CDC42BPA: variants seen among roughly 807,000 people sequenced by gnomAD.
The protein encoded by CDC42BPA is CDC42 binding protein kinase alpha.
In CDC42BPA, 80 loss-of-function variants were observed where a neutral mutation model predicts 223.5. The observed-to-expected ratio is 0.36, with a 90% CI of 0.30 to 0.43. The LOEUF is 0.43. Among genes scored for constraint, CDC42BPA ranks in the 20% least tolerant of loss-of-function variants. The pLI, the probability that CDC42BPA is intolerant of heterozygous loss-of-function variation, is 1.00. For missense variants in CDC42BPA, 1,743 were observed against 2,099.9 expected (o/e 0.83, Z 3.32); for synonymous variants, 694 against 718.6 (o/e 0.97, Z 0.55).
At chr1:227,273,403 TAAAAA>T (rs777554884) in intron 1 of CDC42BPA, among the ~76,000 whole-genome samples, 1 of 147,138 alleles carries the variant, frequency 6.8e-6, no homozygotes, top group Non-Finnish European at 1.5e-5. Flanking sequence ...CCATCTCTAC[TAAAAA>T]AATACAAAAT....
intron 4 of CDC42BPA, among the ~76,000 whole-genome samples, chr1:227,197,089 T>C (rs1435654646): frequency 1.3e-5 from 2 of 152,198 alleles, no homozygotes; most frequent in Non-Finnish European, 2.9e-5. Context: ...TAAACTATTG[T>C]AGTAAGTAGG....
At chr1:227,144,887 A>G (rs565689881) in intron 8 of CDC42BPA, among the ~76,000 whole-genome samples, 34 of 152,278 alleles carry the variant, frequency 2.2e-4, no homozygotes, top group Admixed American at 5.9e-4. Flanking sequence ...TATTGTTAGC[A>G]GCAACACACT....
intron 16 of CDC42BPA, among the ~76,000 whole-genome samples, chr1:227,085,560 T>G (rs1681686520): frequency 6.6e-6 from 1 of 152,230 alleles, no homozygotes; most frequent in Non-Finnish European, 1.5e-5. Flanking sequence ...TAGGCAATTT[T>G]GGCACAAATC....
intron 21 of CDC42BPA, among the ~76,000 whole-genome samples, chr1:227,063,044 C>T (rs766779496): frequency 7.9e-5 from 12 of 152,124 alleles, no homozygotes; most frequent in Non-Finnish European, 1.8e-4. Flanking sequence ...ACTATCACCA[C>T]AGCAATGATT....
At chr1:227,150,429 G>A (rs190157755) in intron 6 of CDC42BPA, among the ~76,000 whole-genome samples, 1 of 152,192 alleles carries the variant, frequency 6.6e-6, no homozygotes, top group Non-Finnish European at 1.5e-5. Flanking sequence ...AGAAGAAAAT[G>A]AAGTTGTACC....
At chr1:227,073,823 C>A in intron 19 of CDC42BPA, 41 bp downstream of exon 19, 1 of 1,426,668 alleles carries the variant, frequency 7.0e-7, no homozygotes, top group South Asian at 1.4e-5. Context: ...TTATGACAAA[C>A]TTAGAAATTA....
chr1:227,165,141 C>T (rs1003824675), intron 5 of CDC42BPA, among the ~76,000 whole-genome samples: 1 of 152,072 alleles, frequency 6.6e-6, no homozygotes, highest in African/African-American at 2.4e-5. Context: ...CTCATCACCC[C>T]AAAAATATTT....
rs1211738322 is a variant in CDC42BPA, at chr1:227,069,825, A to T, written c.2856T>A (p.Ser952=). Residue 952 remains serine, a synonymous_variant, in exon 21 of 37, where the codon TCT becomes TCA. Coordinates refer to ENST00000366766, the MANE Select transcript of CDC42BPA (RefSeq NM_001394014.1). ...TAGGCGTATTCAAAAATGCCAAGAA[A>T]GAATGCTGTGAGTCTTGGTGCTCTA... ...KGIEHQDSQH[S]FLAFLNTPTD... is the part of the protein sequence containing the mutation. The T allele has an allele frequency of 6.2e-7, 1 of 1,611,962 alleles. No homozygotes were observed. Among genetic ancestry groups the T allele is most frequent in the Non-Finnish European group, 8.5e-7 (1 of 1,178,424 alleles).
At chr1:227,273,397 C>A (rs1464743751) in intron 1 of CDC42BPA, among the ~76,000 whole-genome samples, 1 of 151,232 alleles carries the variant, frequency 6.6e-6, no homozygotes, top group Admixed American at 6.6e-5. Context: ...GAAACCCCAT[C>A]TCTACTAAAA....
chr1:227,230,820 C>CTTTTTTTTTTTTT (rs1198828997), intron 2 of CDC42BPA, among the ~76,000 whole-genome samples: 1 of 91,604 alleles, frequency 1.1e-5, no homozygotes, highest in Non-Finnish European at 2.1e-5. Flanking sequence ...TTCTTTCTTT[C>CTTTTTTTTTTTTT]TTTTTTTTTT....
At position 227,196,338 on chromosome 1, in the gene CDC42BPA, C is replaced by CTTTTTTTTTTT. The variant is rs34352900; in HGVS notation, c.451-2415_451-2405dup. ...GCTTTCTTTTTACTATTAAACAATA[C>CTTTTTTTTTTT]TTTTTTTTTTTTTTTTTTTGAGACA... On this transcript the variant is annotated intron_variant, in intron 4 of 36. Coordinates refer to ENST00000366766, the MANE Select transcript of CDC42BPA (RefSeq NM_001394014.1). 2.4e-4 allele frequency among the ~76,000 whole-genome samples: 22 copies of CTTTTTTTTTTT among 92,358 alleles called. 3 individuals are homozygous for CTTTTTTTTTTT. The highest frequency in any genetic ancestry group is 7.5e-4 in the African/African-American group (16 of 21,204). The allele number at this position is 92,358 out of a possible 152,430, so 60.6% of individuals were successfully genotyped here.
intron 2 of CDC42BPA, among the ~76,000 whole-genome samples, chr1:227,233,676 G>A (rs1285136595): frequency 6.6e-6 from 1 of 152,162 alleles, no homozygotes; most frequent in African/African-American, 2.4e-5. Context: ...GCTCACGCCT[G>A]TAATCACAGA....
intron 1 of CDC42BPA, among the ~76,000 whole-genome samples, chr1:227,275,465 A>G (rs1686775365): frequency 6.6e-6 from 1 of 152,106 alleles, no homozygotes; most frequent in African/African-American, 2.4e-5. Flanking sequence ...AATTAAAACA[A>G]CTATTAAATA....
chr1:227,286,050 T>C (rs1688752485), intron 1 of CDC42BPA, among the ~76,000 whole-genome samples: 1 of 152,198 alleles, frequency 6.6e-6, no homozygotes, highest in African/African-American at 2.4e-5. Context: ...TTTTTCCCAC[T>C]GTCTTAATAT....
intron 11 of CDC42BPA, among the ~76,000 whole-genome samples, chr1:227,123,873 T>C (rs1019965416): frequency 6.6e-6 from 1 of 151,968 alleles, no homozygotes; most frequent in East Asian, 1.9e-4. Context: ...GTGTGTTAGT[T>C]TGGGGTTGGA....
At chr1:227,247,824 G>A (rs1681258833) in intron 2 of CDC42BPA, among the ~76,000 whole-genome samples, 1 of 151,878 alleles carries the variant, frequency 6.6e-6, no homozygotes, top group African/African-American at 2.4e-5. Context: ...GGAGGCTGCA[G>A]TGAGCCGAGA....
intron 12 of CDC42BPA, among the ~76,000 whole-genome samples, chr1:227,117,585 G>A (rs72748194): frequency 0.029 from 4,436 of 152,116 alleles, 92 homozygotes; most frequent in Non-Finnish European, 0.043. Context: ...AAAAGTGCCA[G>A]GATTACAAGC....
chr1:227,298,239 C>T (rs1233677877), intron 1 of CDC42BPA, among the ~76,000 whole-genome samples: 1 of 151,678 alleles, frequency 6.6e-6, no homozygotes, highest in Non-Finnish European at 1.5e-5. Flanking sequence ...AGACAAGCAA[C>T]AGTTAAAGCA....
chr1:227,290,526 T>A (rs930164267), intron 1 of CDC42BPA, among the ~76,000 whole-genome samples: 2 of 152,050 alleles, frequency 1.3e-5, no homozygotes, highest in African/African-American at 4.8e-5. Flanking sequence ...TATAATAGAA[T>A]TTATTTGTCC....
Sources: allele counts gnomAD v4.1 joint callset (sites outside exome capture counted in the v4.1 genomes callset), GRCh38; gene constraint gnomAD v4.1.1; transcripts MANE v1.5; gene names NCBI Gene and HGNC (gene_info 2026-07-23, HGNC 2026-07-21).